Variants in LHFPL5 observed in about 807,000 individuals in gnomAD.
The protein encoded by LHFPL5 is LHFPL tetraspan subfamily member 5.
In LHFPL5, 12 loss-of-function variants were observed where a neutral mutation model predicts 18.7. The observed-to-expected ratio is 0.64, with a 90% CI of 0.41 to 1.04. The LOEUF is 1.04. Ranked by LOEUF, LHFPL5 falls within the 50% of genes least tolerant of loss-of-function variation. The probability of loss-of-function intolerance (pLI) is 0.00; values close to 1 mark genes in which losing one functional copy is unlikely to be tolerated. For synonymous variants in LHFPL5, 111 were observed against 120.2 expected, an observed-to-expected ratio of 0.92 and a Z score of 0.50; for missense variants, 259 against 292.1, an observed-to-expected ratio of 0.89 and a Z score of 0.83.
In LHFPL5 at chr6:35,811,799, A is replaced by G. The variant is rs146190574; in HGVS notation, c.413-2747A>G. On this transcript the variant is annotated intron_variant, in intron 1 of 3. Coordinates refer to ENST00000360215, the MANE Select transcript of LHFPL5 (RefSeq NM_182548.4). ...GCTGGCTACGTAGGTTTCACCACGG[A>G]GCTGTGGATGGCTCCCTCTCCTCCA... Among the ~76,000 whole-genome samples, 226 of 152,336 alleles carry G rather than the reference A, an allele frequency of 1.5e-3. 3 individuals carry two copies. The highest frequency in any genetic ancestry group is 5.1e-3 in the African/African-American group (210 of 41,580).
chr6:35,816,412 G>A (rs1317954901), intron 2 of LHFPL5, among the ~76,000 whole-genome samples: 1 of 151,846 alleles, frequency 6.6e-6, no homozygotes, highest in Non-Finnish European at 1.5e-5. Context: ...GGGCCAAGGA[G>A]AGAAAAGATT....
intron 2 of LHFPL5, among the ~76,000 whole-genome samples, chr6:35,816,973 C>T (rs1432371610): frequency 6.6e-6 from 1 of 152,068 alleles, no homozygotes; most frequent in Non-Finnish European, 1.5e-5. Context: ...TGAACCCCTA[C>T]CTCACACCAT....
Position 35,823,426 on chromosome 6 carries a change from T to TATATACAC in LHFPL5, c.*462_*463insTATACACA, listed in dbSNP as rs886061353. 14 of 59,324 alleles carry TATATACAC rather than the reference T, an allele frequency of 2.4e-4. No homozygotes were observed. Among genetic ancestry groups the TATATACAC allele is most frequent in the African/African-American group, 7.7e-4 (12 of 15,516 alleles). 3.7% of individuals were successfully genotyped at this position (59,324 alleles called of 1,614,324 possible). On this transcript the variant is annotated 3_prime_UTR_variant, in exon 4 of 4. Transcript: ENST00000360215. ...ACACACACACACACACACACACACA[T>TATATACAC]ACATACACACACACATATATATACA...
chr6:35,821,857 ATTTTTTTTTTTTTTTTTTTTT>A (rs763639486), intron 3 of LHFPL5, among the ~76,000 whole-genome samples: 1 of 39,136 alleles, frequency 2.6e-5, no homozygotes, highest in Non-Finnish European at 4.7e-5. Flanking sequence ...GTGTACCACA[ATTTTTTTTTTTTTTTTTTTTT>A]TTTTTTTTTT....
At chr6:35,816,940 C>T (rs1374414258) in intron 2 of LHFPL5, among the ~76,000 whole-genome samples, 1 of 151,878 alleles carries the variant, frequency 6.6e-6, no homozygotes, top group Non-Finnish European at 1.5e-5. Context: ...ACAATCAGAT[C>T]TCTGTATGTG....
chr6:35,823,283 C>G lies in LHFPL5; in HGVS notation c.*318C>G, dbSNP rs1348901262. Reference sequence around the variant, plus strand: ...TCCACACAGCAGCAAATCGCTTCACCTTCTTGAAGCCTCTCCTCTGTAAAG... The same window carrying G: ...TCCACACAGCAGCAAATCGCTTCACGTTCTTGAAGCCTCTCCTCTGTAAAG... On this transcript the variant is annotated 3_prime_UTR_variant, in exon 4 of 4. Coordinates refer to ENST00000360215, the MANE Select transcript of LHFPL5 (RefSeq NM_182548.4). The G allele has an allele frequency of 1.1e-4, 16 of 152,000 alleles. No individual in the cohort carries two copies. The highest frequency in any genetic ancestry group is 5.9e-5 in the Non-Finnish European group (4 of 68,038). The allele number at this position is 152,000 out of a possible 1,614,324, so 9.4% of individuals were successfully genotyped here. A position where few individuals can be genotyped will look rare whatever the true frequency, so the allele number is the denominator to read the frequency against.
chr6:35,810,425 AC>A (rs2151069852), intron 1 of LHFPL5, among the ~76,000 whole-genome samples: 1 of 152,300 alleles, frequency 6.6e-6, no homozygotes, highest in African/African-American at 2.4e-5. Context: ...TGTGAAAAAC[AC>A]AAAAAACAGG....
intron 1 of LHFPL5, among the ~76,000 whole-genome samples, chr6:35,809,296 A>G (rs1768625938): frequency 6.6e-6 from 1 of 152,126 alleles, no homozygotes; most frequent in Non-Finnish European, 1.5e-5. Context: ...ACCATAGATT[A>G]GGGGGCTTAA....
At chr6:35,818,337 ATATATATATATGTATTTT>A (rs1561955565) in intron 2 of LHFPL5, among the ~76,000 whole-genome samples, 4 of 12,198 alleles carry the variant, frequency 3.3e-4, no homozygotes, top group Admixed American at 1.2e-3. Context: ...ATATATATAT[ATATATATATATGTATTTT>A]TTTTTTTTTT....
intron 3 of LHFPL5, 83 bp downstream of exon 3, chr6:35,819,546 A>G (rs2151071983): frequency 1.6e-6 from 2 of 1,273,386 alleles, no homozygotes; most frequent in Non-Finnish European, 2.3e-6. Flanking sequence ...CTCAGGCATC[A>G]GGACACCAGG....
intron 3 of LHFPL5, among the ~76,000 whole-genome samples, chr6:35,822,231 A>C (rs539762834): frequency 6.6e-6 from 1 of 151,970 alleles, no homozygotes; most frequent in African/African-American, 2.4e-5. Flanking sequence ...TTAGACATTT[A>C]GGGTTGCTAT....
chr6:35,807,279 A>T lies in LHFPL5; in HGVS notation c.412+1197A>T, dbSNP rs931883350. On this transcript the variant is annotated intron_variant, in intron 1 of 3. Coordinates refer to ENST00000360215, the MANE Select transcript of LHFPL5 (RefSeq NM_182548.4). The stretch of plus-strand genomic sequence containing the variant: ...GTCTCTAAAAATAATAATAATAATA[A>T]TAAATAAAATAAAACAAATAAAACT... Among the ~76,000 whole-genome samples, 17 of 152,202 alleles carry T rather than the reference A, an allele frequency of 1.1e-4. No individual in the cohort carries two copies. The South Asian group carries it at 1.4e-3, about 13-fold the overall frequency.
intron 1 of LHFPL5, among the ~76,000 whole-genome samples, chr6:35,808,314 T>A (rs984246061): frequency 1.7e-4 from 25 of 145,582 alleles, no homozygotes; most frequent in African/African-American, 4.8e-4. Context: ...TATATATATA[T>A]AAATTAAAAA....
intron 1 of LHFPL5, 90 bp downstream of exon 1, chr6:35,806,172 C>A: frequency 7.0e-7 from 1 of 1,435,320 alleles, no homozygotes. Context: ...GGGCTCTGGG[C>A]CTTAAATTTA....
intron 2 of LHFPL5, among the ~76,000 whole-genome samples, chr6:35,818,352 T>TATATATATATA (rs1561955744): frequency 1.3e-3 from 3 of 2,368 alleles, no homozygotes; most frequent in African/African-American, 4.1e-3. Flanking sequence ...TATATATGTA[T>TATATATATATA]TTTTTTTTTT....
At chr6:35,821,328 T>A (rs1768862221) in intron 3 of LHFPL5, among the ~76,000 whole-genome samples, 2 of 150,972 alleles carry the variant, frequency 1.3e-5, no homozygotes, top group South Asian at 4.2e-4. Context: ...AAATGCAGAT[T>A]CTGATTCAGT....
At chr6:35,819,707 C>T (rs548644219) in intron 3 of LHFPL5, 11 of 551,032 alleles carry the variant, frequency 2.0e-5, no homozygotes, top group East Asian at 3.1e-5. Flanking sequence ...GATGGAATTT[C>T]GCTCTTGTTG....
chr6:35,822,025 C>A (rs988542808), intron 3 of LHFPL5, among the ~76,000 whole-genome samples: 2 of 151,698 alleles, frequency 1.3e-5, no homozygotes, highest in Admixed American at 1.3e-4. Context: ...CAGGCACATA[C>A]CTCCTGCCCA....
At chr6:35,811,055 C>T (rs1768657944) in intron 1 of LHFPL5, among the ~76,000 whole-genome samples, 1 of 152,144 alleles carries the variant, frequency 6.6e-6, no homozygotes, top group African/African-American at 2.4e-5. Flanking sequence ...ATCAGCTGTC[C>T]TCGCATCAGA....
Sources: allele counts gnomAD v4.1 joint callset (sites outside exome capture counted in the v4.1 genomes callset), GRCh38; gene constraint gnomAD v4.1.1; transcripts MANE v1.5; gene names NCBI Gene and HGNC (gene_info 2026-07-23, HGNC 2026-07-21).